The following KANK2 variants were observed in gnomAD, a reference collection of about 807,000 sequenced individuals.
KANK2 encodes the protein KN motif and ankyrin repeat domains 2.
In KANK2, 41 loss-of-function variants were observed where a neutral mutation model predicts 74.6. The ratio of observed to expected loss-of-function variants is 0.55; its 90% CI spans 0.43 to 0.71. The LOEUF (loss-of-function observed/expected upper bound fraction) is 0.71. KANK2 is among the 30% of genes least tolerant of loss of function. The pLI is 0.00. For missense variants in KANK2, 1,148 were observed against 1,196.4 expected (o/e 0.96, Z 0.60); for synonymous variants, 537 against 519.0 (o/e 1.03, Z -0.47).
intron 4 of KANK2, among the ~76,000 whole-genome samples, chr19:11,187,648 G>A (rs1244303076): frequency 1.3e-5 from 2 of 152,190 alleles, no homozygotes; most frequent in Admixed American, 6.5e-5. Context: ...TGCAAATAAA[G>A]TTTTATTGGA....
Position 11,170,201 on chromosome 19 carries a change from G to A in KANK2, c.2259C>T (p.Asp753=), listed in dbSNP as rs1002748774. 14 of 1,611,258 alleles carry A rather than the reference G, an allele frequency of 8.7e-6. No individual in the cohort carries two copies. Among genetic ancestry groups the A allele is most frequent in the Middle Eastern group, 1.6e-4 (1 of 6,084 alleles). Residue 753 remains aspartate (D), a synonymous_variant, in exon 11 of 13, where the codon GAC becomes GAT. Transcript: ENST00000586659. The surrounding 1 kb of genome is among the most constrained non-coding windows in gnomAD (Gnocchi z 5.2). ...CACAGGCCAGCAGGGCTTTGACAAC[G>A]TCCACCCGCCCGTGGCTGACGGCCA... ...LMLAVSHGRV[D]VVKALLACEA...
At chr19:11,182,532 AAAAAAC>A (rs2078552055) in intron 4 of KANK2, among the ~76,000 whole-genome samples, 3 of 146,752 alleles carry the variant, frequency 2.0e-5, no homozygotes, top group Non-Finnish European at 3.0e-5. Flanking sequence ...TCTTTAAAAA[AAAAAAC>A]AAAAAAACAA....
chr19:11,182,693 A>G (rs149504434), intron 4 of KANK2, among the ~76,000 whole-genome samples: 11 of 150,968 alleles, frequency 7.3e-5, no homozygotes, highest in African/African-American at 2.4e-4. Context: ...AATATAAAAA[A>G]TTAGGAAGGC....
In KANK2 at chr19:11,167,570, C is replaced by G. The variant is rs193133880; in HGVS notation, c.2503-959G>C. On this transcript the variant is annotated intron_variant, in intron 12 of 12. Transcript: ENST00000586659. ...TGAGGCGGAATCTCACTCTGTCACC[C>G]AGGCTGGAGTGCAGTGGCGCGATCT... Among the ~76,000 whole-genome samples, 984 of 149,540 alleles carry G rather than the reference C, an allele frequency of 6.6e-3. 13 individuals are homozygous for G. The highest frequency in any genetic ancestry group is 0.031 in the Middle Eastern group (9 of 286).
chr19:11,189,665 A>G (rs959648286), intron 4 of KANK2, among the ~76,000 whole-genome samples: 1 of 148,410 alleles, frequency 6.7e-6, no homozygotes, highest in Non-Finnish European at 1.5e-5. Flanking sequence ...AAGACATTCC[A>G]GCTTGGCTCA....
chr19:11,166,089 A>G lies in KANK2; in HGVS notation c.*469T>C, dbSNP rs951728310. On this transcript the variant is annotated 3_prime_UTR_variant, in exon 13 of 13. Transcript: ENST00000586659. ...TGTGGGGGATGAAGGGTGAACCCCA[A>G]CTGGTGCGTAATAACACTTAGGATT... is the stretch of plus-strand genomic sequence containing the variant. 2 of 157,274 alleles carry G rather than the reference A, an allele frequency of 1.3e-5. No homozygotes were observed. Among genetic ancestry groups the G allele is most frequent in the South Asian group, 1.9e-4 (1 of 5,194 alleles). 9.7% of individuals were successfully genotyped at this position (157,274 alleles called of 1,614,324 possible). A position where few individuals can be genotyped will look rare whatever the true frequency, so the allele number is the denominator to read the frequency against.
In KANK2 at chr19:11,174,498, G is replaced by A. The variant is rs112949085; in HGVS notation, c.2043C>T (p.Pro681=). Residue 681 remains proline, a synonymous_variant, in exon 9 of 13, where the codon CCC becomes CCT. Coordinates refer to ENST00000586659, the MANE Select transcript of KANK2 (RefSeq NM_001136191.3). ...CGCTGTCGAGCAGCTGCTGCACCAC[G>A]GGGAAGTTGGCATGAGACACGGAGT... The part of the protein sequence containing the change: ...LHYSVSHANF[P]VVQQLLDSGV... 9.4e-5 allele frequency: 152 copies of A among 1,612,390 alleles called. 1 individual carries two copies. The highest frequency in any genetic ancestry group is 8.3e-4 in the Middle Eastern group (5 of 6,040).
intron 6 of KANK2, among the ~76,000 whole-genome samples, chr19:11,177,296 A>AT (rs2078373475): frequency 1.3e-5 from 2 of 151,686 alleles, no homozygotes; most frequent in African/African-American, 4.9e-5. Flanking sequence ...CCATGTTGCC[A>AT]TGTTGGCCAG....
chr19:11,183,558 A>G (rs765747461), intron 4 of KANK2, among the ~76,000 whole-genome samples: 7 of 152,168 alleles, frequency 4.6e-5, no homozygotes, highest in Non-Finnish European at 1.0e-4. Context: ...GCGTGATCAC[A>G]GCTCATTCCA....
chr19:11,178,672 T>G lies in KANK2; in HGVS notation c.1298A>C (p.Glu433Ala). The change falls in exon 5 of 13, where the codon GAG becomes GCG. Residue 433 changes from glutamate to alanine, a missense_variant. By Grantham distance (107) the Glu-to-Ala change is moderately radical. Transcript: ENST00000586659. ...CTCAGGCTGTGTAAGGGAGGCTACC[T>G]CGGACCCCGGGGGTGACGAAGACGA... ...AESSSSPPGS[E>A]VASLTQPEKS... 2 of 1,550,656 alleles carry G rather than the reference T, an allele frequency of 1.3e-6. No individual in the cohort carries two copies. The highest frequency in any genetic ancestry group is 1.7e-6 in the Non-Finnish European group (2 of 1,154,452).
In KANK2 at chr19:11,168,116, C is replaced by T. The variant is rs541422619; in HGVS notation, c.2503-1505G>A. ...CTCCTGGGTTCAAGTGATTCTCCCG[C>T]CTAAGCCTCCAGAATAGCTGAGATT... On this transcript the variant is annotated intron_variant, in intron 12 of 12. Transcript: ENST00000586659. Among the ~76,000 whole-genome samples the T allele has an allele frequency of 5.9e-5, 9 of 151,722 alleles. No individual in the cohort carries two copies. The East Asian group carries it at 1.7e-3, about 29-fold the overall frequency.
At position 11,193,955 on chromosome 19, in the gene KANK2, A is replaced by G; in HGVS notation, c.125T>C (p.Leu42Pro). ...CACGTACTTGAGGAAGTCCAGGTCCAGGCGGTAGCCATAGGGGGTCTCCAC... is the reference window on the plus strand; with the variant it reads ...CACGTACTTGAGGAAGTCCAGGTCCGGGCGGTAGCCATAGGGGGTCTCCAC... ...YSVETPYGYR[L>P]DLDFLKYVDD... The change falls in exon 4 of 13, where the codon CTG becomes CCG. Residue 42 changes from leucine to proline, a missense_variant. Coordinates refer to ENST00000586659, the MANE Select transcript of KANK2 (RefSeq NM_001136191.3). This position sits in a 1 kb window ranked among gnomAD's most constrained non-coding sequence, Gnocchi z 9.6. The G allele has an allele frequency of 6.2e-7, 1 of 1,613,984 alleles. No individual in the cohort carries two copies. The highest frequency in any genetic ancestry group is 1.1e-5 in the South Asian group (1 of 91,078).
intron 4 of KANK2, among the ~76,000 whole-genome samples, chr19:11,182,195 C>A (rs530453699): frequency 1.3e-5 from 2 of 152,030 alleles, no homozygotes; most frequent in African/African-American, 4.8e-5. Flanking sequence ...GGATTACAGG[C>A]TTAAGCCAAC....
Position 11,164,465 on chromosome 19 carries a change from T to C in KANK2, c.*2093A>G, listed in dbSNP as rs924463464. The C allele has an allele frequency of 1.3e-5, 2 of 151,820 alleles. No homozygotes were observed. The highest frequency in any genetic ancestry group is 2.9e-5 in the Non-Finnish European group (2 of 67,970). The allele number at this position is 151,820 out of a possible 1,614,324, so 9.4% of individuals were successfully genotyped here. Reference sequence around the variant, plus strand: ...CCAGTATCCCACGGAGAGAAGGAAGTGTAGAGAGATGCGTGGACCCATCTC... The same window carrying C: ...CCAGTATCCCACGGAGAGAAGGAAGCGTAGAGAGATGCGTGGACCCATCTC... On this transcript the variant is annotated 3_prime_UTR_variant, in exon 13 of 13. Coordinates refer to ENST00000586659, the MANE Select transcript of KANK2 (RefSeq NM_001136191.3).
intron 1 of KANK2, chr19:11,196,659 G>GT (rs1194046126): frequency 6.6e-6 from 1 of 152,346 alleles, no homozygotes; most frequent in Non-Finnish European, 1.5e-5. Flanking sequence ...CACGTCCCGA[G>GT]TAAGGGGAAG....
chr19:11,192,783 GCCCC>G (rs35706290), intron 4 of KANK2, 44 bp downstream of exon 4: 6 of 1,444,678 alleles, frequency 4.2e-6, no homozygotes, highest in South Asian at 3.4e-5. Flanking sequence ...GAAGAAAGAG[GCCCC>G]CCCCCCCCAA....
chr19:11,168,430 G>A (rs1334427772), intron 12 of KANK2, among the ~76,000 whole-genome samples: 1 of 151,946 alleles, frequency 6.6e-6, no homozygotes, highest in Non-Finnish European at 1.5e-5. Flanking sequence ...CGAGTAGCTG[G>A]GAGTACAGGC....
chr19:11,178,682 G>C lies in KANK2; in HGVS notation c.1288C>G (p.Pro430Ala). 6.5e-7 allele frequency: 1 copy of C among 1,543,774 alleles called. No homozygotes were observed. ...GTAAGGGAGGCTACCTCGGACCCCG[G>C]GGGTGACGAAGACGATTCGGCAGGA... ...EVPAESSSSP[P>A]GSEVASLTQP... is the part of the protein sequence containing the mutation. The change falls in exon 5 of 13, where the codon CCG (proline) becomes GCG (alanine). Residue 430 changes from proline to alanine, a missense_variant. Physicochemically the swap from Pro to Ala is conservative, Grantham distance 27. Coordinates refer to ENST00000586659, the MANE Select transcript of KANK2 (RefSeq NM_001136191.3).
chr19:11,183,953 T>G (rs938013493), intron 4 of KANK2, among the ~76,000 whole-genome samples: 2 of 152,138 alleles, frequency 1.3e-5, no homozygotes, highest in African/African-American at 4.8e-5. Flanking sequence ...ACTCCTGGGC[T>G]CAAAGCAATT....
Sources: allele counts gnomAD v4.1 joint callset (sites outside exome capture counted in the v4.1 genomes callset), GRCh38; gene constraint gnomAD v4.1.1; non-coding constraint Gnocchi (gnomAD v3.1); transcripts MANE v1.5; gene names NCBI Gene and HGNC (gene_info 2026-07-23, HGNC 2026-07-21).